Variants in FUBP1 observed in about 807,000 individuals in gnomAD.
The protein encoded by FUBP1 is far upstream element-binding protein 1.
A neutral mutation model predicts 94.9 loss-of-function variants in FUBP1; 16 were observed. The observed-to-expected ratio is 0.17, with a 90% CI of 0.11 to 0.26. FUBP1 has a LOEUF of 0.26. Ranked by LOEUF, FUBP1 falls within the 10% of genes least tolerant of loss-of-function variation. FUBP1 has a pLI of 1.00. For synonymous variants in FUBP1, 279 were observed against 254.9 expected (o/e 1.09, Z -0.90); for missense variants, 583 against 808.6 (o/e 0.72, Z 3.38).
Position 77,964,862 on chromosome 1 carries a change from A to C in FUBP1, c.735+8T>G, listed in dbSNP as rs1288056973. 6.4e-7 allele frequency: 1 copy of C among 1,566,498 alleles called. No homozygotes were observed. Among genetic ancestry groups the C allele is most frequent in the South Asian group, 1.1e-5 (1 of 90,024 alleles). On this transcript the variant is annotated splice_region_variant and intron_variant, in intron 9 of 19. Transcript: ENST00000370768. ...CTCTTTCTTTATAAAGTATAAAGTT[A>C]AGTTTACTTGAACTTTATATGGGTC...
intron 1 of FUBP1, 78 bp downstream of exon 1, chr1:77,978,807 G>A (rs1346166697): frequency 1.9e-6 from 3 of 1,553,986 alleles, no homozygotes; most frequent in Non-Finnish European, 1.8e-6. Flanking sequence ...TTCCTCATGC[G>A]CTTAAGGGTA....
In FUBP1 at chr1:77,947,671, C is replaced by T. The variant is rs1652434728; in HGVS notation, c.*1095G>A. On this transcript the variant is annotated 3_prime_UTR_variant, in exon 20 of 20. Coordinates refer to ENST00000370768, the MANE Select transcript of FUBP1 (RefSeq NM_003902.5). ...GGATTTCAACAAAATATCAGAACTT[C>T]AGCATGAGTGTTAAAGAGTAATAAA... 1.5e-6 allele frequency: 1 copy of T among 668,506 alleles called. No individual in the cohort carries two copies. Among genetic ancestry groups the T allele is most frequent in the Non-Finnish European group, 2.5e-6 (1 of 405,402 alleles). The allele number at this position is 668,506 out of a possible 1,614,324, so 41.4% of individuals were successfully genotyped here. A position where few individuals can be genotyped will look rare whatever the true frequency, so the allele number is the denominator to read the frequency against.
intron 18 of FUBP1, 39 bp from the exon 19 acceptor site, chr1:77,949,339 A>C (rs768982713): frequency 8.3e-6 from 13 of 1,562,014 alleles, no homozygotes; most frequent in African/African-American, 1.4e-5. Context: ...AACCACAATT[A>C]TAAGCCCAAC....
intron 2 of FUBP1, among the ~76,000 whole-genome samples, chr1:77,969,530 G>T (rs1295480022): frequency 6.6e-6 from 1 of 151,962 alleles, no homozygotes; most frequent in East Asian, 1.9e-4. Context: ...AGGTGCAATT[G>T]GAAATAGAAA....
chr1:77,971,178 G>C (rs915340246), intron 1 of FUBP1, among the ~76,000 whole-genome samples: 14 of 152,166 alleles, frequency 9.2e-5, no homozygotes, highest in Non-Finnish European at 1.5e-4. Flanking sequence ...TCATGGAGTG[G>C]TTCTGCCACA....
At chr1:77,976,359 T>A (rs1396690755) in intron 1 of FUBP1, among the ~76,000 whole-genome samples, 1 of 152,240 alleles carries the variant, frequency 6.6e-6, no homozygotes, top group Admixed American at 6.5e-5. Context: ...AGATCATTTT[T>A]ATAAAGAAAT....
rs150260394 is a variant in FUBP1 at position 77,962,854 on chromosome 1, T to A, written c.1260A>T (p.Ala420=). 6.2e-7 allele frequency: 1 copy of A among 1,611,708 alleles called. No individual in the cohort carries two copies. The highest frequency in any genetic ancestry group is 1.7e-5 in the Admixed American group (1 of 60,024). The change falls in exon 14 of 20, where the codon GCA becomes GCT. Residue 420 remains alanine (A), a synonymous_variant. Transcript: ENST00000370768. ...IELQRNPPPN[A]DPNMKLFTIR... ...TTGTAAATAACTTCATATTAGGATC[T>A]GCATTTGGTGGAGGATTTCTCTGAA...
chr1:77,955,375 A>C, intron 17 of FUBP1, 46 bp from the exon 18 acceptor site: 3 of 1,258,266 alleles, frequency 2.4e-6, no homozygotes, highest in Non-Finnish European at 3.5e-6. Flanking sequence ...AAGTTTTTAA[A>C]AGGCAATTTT....
Position 77,960,471 on chromosome 1 carries a change from G to T in FUBP1, c.1369C>A (p.Pro457Thr). 2.5e-6 allele frequency: 4 copies of T among 1,601,250 alleles called. No homozygotes were observed. The highest frequency in any genetic ancestry group is 3.4e-6 in the Non-Finnish European group (4 of 1,176,706). ...ACACCATGGGGCCCATGGGGTACAG[G>T]TGGCCCTAAAGGATTTACTGGGCCC... ...IGGPVNPLGP[P>T]VPHGPHGVPG... Residue 457 changes from proline to threonine, a missense_variant, in exon 15 of 20, where the codon CCT becomes ACT. Coordinates refer to ENST00000370768, the MANE Select transcript of FUBP1 (RefSeq NM_003902.5).
rs1652177203 is a variant in FUBP1 at position 77,946,416 on chromosome 1, C to T, written c.*2350G>A. 1 of 196,580 alleles carries T rather than the reference C, an allele frequency of 5.1e-6. No homozygotes were observed. The highest frequency in any genetic ancestry group is 1.1e-5 in the Non-Finnish European group (1 of 94,480). The allele number at this position is 196,580 out of a possible 1,614,324, so 12.2% of individuals were successfully genotyped here. On this transcript the variant is annotated 3_prime_UTR_variant, in exon 20 of 20. Coordinates refer to ENST00000370768, the MANE Select transcript of FUBP1 (RefSeq NM_003902.5). ...GATGGTAGCATAAAATAACAAAATA[C>T]ATTTTGGGGAAGCAGTAGCAGATTG...
chr1:77,965,220 C>A lies in FUBP1; in HGVS notation c.485G>T (p.Arg162Leu). Residue 162 changes from arginine (R) to leucine (L), a missense_variant, in exon 8 of 20, where the codon CGG becomes CTG. Transcript: ENST00000370768. ...TTTTTCAACAATCTGGTCCAGTAAC[C>A]GTTTTGCTGACCTGTTAACAAATTA... ...GTPESVQSAK[R>L]LLDQIVEKGR... 6.2e-7 allele frequency: 1 copy of A among 1,602,624 alleles called. No homozygotes were observed. Among genetic ancestry groups the A allele is most frequent in the Non-Finnish European group, 8.5e-7 (1 of 1,170,646 alleles).
intron 14 of FUBP1, among the ~76,000 whole-genome samples, chr1:77,962,287 G>C (rs1351572069): frequency 6.6e-6 from 1 of 152,146 alleles, no homozygotes. Flanking sequence ...ATTATGTGTA[G>C]GAGTGGGAAG....
chr1:77,969,174 T>C (rs780503236), intron 2 of FUBP1: 5 of 389,518 alleles, frequency 1.3e-5, no homozygotes, highest in African/African-American at 4.3e-5. Flanking sequence ...TCACTATAAA[T>C]ATGAAAGACA....
At chr1:77,979,141 A>G, upstream of FUBP1, 1 of 859,544 alleles carries the variant, frequency 1.2e-6, no homozygotes. Flanking sequence ...GCGGAGACTG[A>G]AGGAACAAAA....
chr1:77,970,040 A>G, intron 1 of FUBP1, 25 bp from the exon 2 acceptor site: 2 of 1,222,138 alleles, frequency 1.6e-6, no homozygotes, highest in Non-Finnish European at 2.4e-6. Flanking sequence ...GAAAAATACC[A>G]TCATAAACTA....
At chr1:77,955,400 G>A in intron 17 of FUBP1, 71 bp from the exon 18 acceptor site, 2 of 849,588 alleles carry the variant, frequency 2.4e-6, no homozygotes, top group Non-Finnish European at 2.0e-6. Flanking sequence ...GTTTCCTTGG[G>A]TGCAGGAGCT....
rs1272374986 is a variant in FUBP1, at chr1:77,946,004, A to G, written c.*2762T>C. ...ATAACTTTTTCCTTCTTCAGCATAT[A>G]ACTTTTGTCTAAGAAAAAAATCATA... On this transcript the variant is annotated 3_prime_UTR_variant, in exon 20 of 20. Coordinates refer to ENST00000370768, the MANE Select transcript of FUBP1 (RefSeq NM_003902.5). The G allele has an allele frequency of 6.5e-5, 13 of 199,544 alleles. No homozygotes were observed. In the Admixed American group the frequency reaches 7.8e-4, roughly 12 times the overall value. 12.4% of individuals were successfully genotyped at this position (199,544 alleles called of 1,614,324 possible). A position where few individuals can be genotyped will look rare whatever the true frequency, so the allele number is the denominator to read the frequency against.
chr1:77,965,771 G>A (rs1023057726), intron 7 of FUBP1, among the ~76,000 whole-genome samples: 1 of 152,182 alleles, frequency 6.6e-6, no homozygotes, highest in Non-Finnish European at 1.5e-5. Context: ...AAATCAGGCT[G>A]GGGGAAGTGG....
chr1:77,951,428 C>T (rs1203640510), intron 18 of FUBP1, among the ~76,000 whole-genome samples: 1 of 152,192 alleles, frequency 6.6e-6, no homozygotes, highest in Non-Finnish European at 1.5e-5. Flanking sequence ...TTCACTCTTC[C>T]AATCTAAAGG....
Sources: gnomAD v4.1 joint callset for allele counts (sites outside exome capture counted in the v4.1 genomes callset) on GRCh38, gnomAD v4.1.1 for gene constraint, MANE v1.5 for transcripts, NCBI Gene and HGNC (gene_info 2026-07-23, HGNC 2026-07-21) for gene names.